Variants in CD72 observed in about 807,000 individuals in gnomAD.
CD72 encodes the protein CD72 molecule, also known as B-cell differentiation antigen CD72.
Under a neutral mutation model 50.7 loss-of-function variants are expected in CD72, and 28 were observed. That is an observed-to-expected ratio of 0.55 (90% CI 0.41 to 0.76). The LOEUF (loss-of-function observed/expected upper bound fraction) is 0.76, where lower values mean the gene tolerates loss of function less well. CD72 is among the 30% of genes least tolerant of loss of function. CD72 has a pLI of 0.00. For missense variants in CD72, 403 were observed against 420.6 expected, an observed-to-expected ratio of 0.96 and a Z score of 0.37; for synonymous variants, 176 against 171.2, an observed-to-expected ratio of 1.03 and a Z score of -0.22.
upstream of CD72, among the ~76,000 whole-genome samples, chr9:35,623,835 A>T (rs1012433550): frequency 6.6e-6 from 1 of 151,968 alleles, no homozygotes; most frequent in African/African-American, 2.4e-5. Context: ...AATAGCTTGA[A>T]CCCAGGAGGC....
upstream of CD72, chr9:35,618,638 G>A (rs1159344001): frequency 1.5e-5 from 9 of 618,416 alleles, no homozygotes; most frequent in Non-Finnish European, 1.8e-5. Context: ...GCCATGCTGG[G>A]CCCCAAACTC....
chr9:35,636,964 T>G (rs1276911451), intron 1 of CD72, among the ~76,000 whole-genome samples: 1 of 152,232 alleles, frequency 6.6e-6, no homozygotes, highest in Non-Finnish European at 1.5e-5. Context: ...ACCATTGTGA[T>G]TTGTTTCTGC....
In CD72 at chr9:35,616,268, C is replaced by A; in HGVS notation, c.363G>T (p.Val121=). 6.2e-7 allele frequency: 1 copy of A among 1,613,144 alleles called. No individual in the cohort carries two copies. Among genetic ancestry groups the A allele is most frequent in the South Asian group, 1.1e-5 (1 of 91,006 alleles). The part of the protein sequence containing the change: ...AICLGVRYLQ[V]SQQLQQTNRV... ...TGTTCGTCTGCTGGAGCTGCTGAGA[C>A]ACCTGCAGATCTGTTTGGCCACAGA... Residue 121 remains valine, a synonymous_variant, in exon 5 of 9, where the codon GTG becomes GTT. Coordinates refer to ENST00000259633, the MANE Select transcript of CD72 (RefSeq NM_001782.3).
At chr9:35,612,414 G>A (rs924618475) in intron 6 of CD72, among the ~76,000 whole-genome samples, 4 of 152,084 alleles carry the variant, frequency 2.6e-5, no homozygotes, top group East Asian at 1.9e-4. Flanking sequence ...GTGAAACCCC[G>A]ACTCTATTAA....
At chr9:35,610,925 C>G (rs1005331684) in intron 7 of CD72, among the ~76,000 whole-genome samples, 172 bp from the exon 8 acceptor site, 6 of 152,124 alleles carry the variant, frequency 3.9e-5, no homozygotes, top group Non-Finnish European at 7.4e-5. Context: ...ACTTTAGAAC[C>G]AGCAGAGGGA....
At chr9:35,640,974 T>C (rs1218907368) in intron 1 of CD72, among the ~76,000 whole-genome samples, 1 of 152,216 alleles carries the variant, frequency 6.6e-6, no homozygotes, top group Non-Finnish European at 1.5e-5. Flanking sequence ...GTGAGCTAAG[T>C]GGCAAGCCCC....
chr9:35,645,460 T>C (rs548773657), intron 1 of CD72, among the ~76,000 whole-genome samples: 1 of 151,850 alleles, frequency 6.6e-6, no homozygotes, highest in South Asian at 2.1e-4. Context: ...TGCACACCTG[T>C]AGTCCCAGCT....
chr9:35,630,424 CTT>C (rs750553312), intron 1 of CD72, among the ~76,000 whole-genome samples: 1 of 152,086 alleles, frequency 6.6e-6, no homozygotes. Context: ...TTTGCTTGTT[CTT>C]TGTTTTACTA....
chr9:35,632,762 G>A (rs945370019), intron 1 of CD72, among the ~76,000 whole-genome samples: 9 of 150,054 alleles, frequency 6.0e-5, no homozygotes, highest in Non-Finnish European at 1.3e-4. Flanking sequence ...TTTTTTAGGA[G>A]AGACAGGTTT....
rs566361670 is a variant in CD72, at chr9:35,633,271, T to G, written n.408+13132A>C. Among the ~76,000 whole-genome samples the G allele has an allele frequency of 5.2e-3, 795 of 151,954 alleles. 4 individuals carry two copies. Among genetic ancestry groups the G allele is most frequent in the Non-Finnish European group, 9.1e-3 (618 of 67,932 alleles). ...TTAGTATTTTTGTTTTTTGTTTTTT[T>G]TTTTTCATTTCATTAGTGTTAGCTT... On this transcript the variant is annotated intron_variant and non_coding_transcript_variant, in intron 1 of 3. Transcript: ENST00000465754.
chr9:35,646,096 G>A (rs1279297377), intron 1 of CD72, among the ~76,000 whole-genome samples: 1 of 151,866 alleles, frequency 6.6e-6, no homozygotes, highest in Non-Finnish European at 1.5e-5. Flanking sequence ...GGAGGCGGAG[G>A]TTGCAGTGAG....
chr9:35,644,901 CAA>C (rs527855881), intron 1 of CD72, among the ~76,000 whole-genome samples: 165 of 106,942 alleles, frequency 1.5e-3, no homozygotes, highest in Admixed American at 1.8e-3. Context: ...TGACTGAAGC[CAA>C]AAAAAAAAAA....
chr9:35,621,178 G>C (rs1823144145), upstream of CD72, among the ~76,000 whole-genome samples: 1 of 152,202 alleles, frequency 6.6e-6, no homozygotes, highest in Admixed American at 6.5e-5. Context: ...AGGGGTCAGT[G>C]CTGTACATTT....
At chr9:35,611,296 G>C (rs1169848615) in intron 7 of CD72, among the ~76,000 whole-genome samples, 2 of 152,032 alleles carry the variant, frequency 1.3e-5, no homozygotes, top group Non-Finnish European at 2.9e-5. Flanking sequence ...ACATAAGGAG[G>C]TTGCCACCCT....
At position 35,611,882 on chromosome 9, in the gene CD72, C is replaced by T; in HGVS notation, c.872G>A (p.Gly291Asp). Residue 291 changes from glycine to aspartate, a missense_variant, in exon 7 of 9, where the codon GGT (glycine) becomes GAT (aspartate). Transcript: ENST00000259633. ...YYFLNSLLPN[G>D]GSGNSYWTGL... ...AGTCCAATATGAATTCCCTGAACCACCATTTGGCAACAGTGAATTTAAGAA... is the reference window on the plus strand; with the variant it reads ...AGTCCAATATGAATTCCCTGAACCATCATTTGGCAACAGTGAATTTAAGAA... The T allele has an allele frequency of 6.2e-7, 1 of 1,611,182 alleles. No homozygotes were observed. Among genetic ancestry groups the T allele is most frequent in the Non-Finnish European group, 8.5e-7 (1 of 1,177,316 alleles).
chr9:35,624,254 AATAATAAT>A (rs1563897824), upstream of CD72, among the ~76,000 whole-genome samples: 11 of 142,148 alleles, frequency 7.7e-5, no homozygotes, highest in African/African-American at 2.7e-4. Context: ...TAATAATAAT[AATAATAAT>A]AAATTTAATT....
At chr9:35,627,137 C>CT (rs34386608) in intron 1 of CD72, among the ~76,000 whole-genome samples, 143 of 129,334 alleles carry the variant, frequency 1.1e-3, no homozygotes, top group East Asian at 2.5e-3. Context: ...CACGCCCGGC[C>CT]TTTTTTTTTT....
chr9:35,622,778 C>T (rs1462986141), upstream of CD72, among the ~76,000 whole-genome samples: 1 of 150,748 alleles, frequency 6.6e-6, no homozygotes. Flanking sequence ...CAGAGCGAGA[C>T]TCTGTCTCAA....
upstream of CD72, among the ~76,000 whole-genome samples, chr9:35,620,471 CAAAAAAAA>C (rs1043285697): frequency 1.8e-5 from 2 of 112,902 alleles, no homozygotes; most frequent in East Asian, 5.0e-4. Flanking sequence ...GCTCCATCTC[CAAAAAAAA>C]AAAAAAAAAT....
Sources: allele counts gnomAD v4.1 joint callset (sites outside exome capture counted in the v4.1 genomes callset), GRCh38; gene constraint gnomAD v4.1.1; transcripts MANE v1.5; gene names NCBI Gene and HGNC (gene_info 2026-07-23, HGNC 2026-07-21).